Variants in RNF8 observed in about 807,000 individuals in gnomAD.
RNF8 encodes E3 ubiquitin-protein ligase RNF8.
In RNF8, 8 loss-of-function variants were observed where a neutral mutation model predicts 59.3. The observed-to-expected ratio is 0.13, with a 90% confidence interval of 0.08 to 0.24. RNF8 has a LOEUF of 0.24. Ranked by LOEUF, RNF8 falls within the 10% of genes least tolerant of loss-of-function variation. RNF8 has a pLI of 1.00. For synonymous variants in RNF8, 162 were observed against 200.0 expected (o/e 0.81, Z 1.60); for missense variants, 406 against 572.6 (o/e 0.71, Z 2.97).
chr6:37,363,137 C>T (rs1769392552), intron 2 of RNF8, among the ~76,000 whole-genome samples: 1 of 152,174 alleles, frequency 6.6e-6, no homozygotes, highest in South Asian at 2.1e-4. Context: ...TACCTTTGTT[C>T]TTCTGCAGAC....
Position 37,354,062 on chromosome 6 carries a change from C to T in RNF8, c.-103C>T. 1 of 974,162 alleles carries T rather than the reference C, an allele frequency of 1.0e-6. No individual in the cohort carries two copies. 60.3% of individuals were successfully genotyped at this position (974,162 alleles called of 1,614,324 possible). On this transcript the variant is annotated 5_prime_UTR_variant, in exon 1 of 8. Transcript: ENST00000373479. The stretch of plus-strand genomic sequence containing the variant: ...GATCGCGAGCGTGTGGCGATTGCTT[C>T]TGTCTGTTATTTAGATATGGAAGCT...
intron 1 of RNF8, 85 bp downstream of exon 1, chr6:37,354,360 C>T: frequency 9.3e-7 from 1 of 1,070,334 alleles, no homozygotes; most frequent in Non-Finnish European, 1.3e-6. Context: ...TCTTGCTGGG[C>T]TGAATGAATG....
chr6:37,374,568 G>T, intron 4 of RNF8, 52 bp from the exon 5 acceptor site: 1 of 1,344,972 alleles, frequency 7.4e-7, no homozygotes. Context: ...GTGGCTAAAA[G>T]GAAGGATGCA....
chr6:37,356,846 C>G (rs767922353), intron 1 of RNF8, among the ~76,000 whole-genome samples: 5 of 152,202 alleles, frequency 3.3e-5, no homozygotes, highest in Non-Finnish European at 7.3e-5. Context: ...TCAAGTGGTT[C>G]TTCTGTCTCA....
In RNF8 at chr6:37,359,213, A is replaced by T; in HGVS notation, c.112-1233A>T. The stretch of plus-strand genomic sequence containing the variant: ...TTATGAACTAGACTGGTCCAACAGG[A>T]AAGTATGATAGATGTGAACTGGGGC... On this transcript the variant is annotated intron_variant, in intron 1 of 7. Coordinates refer to ENST00000373479, the MANE Select transcript of RNF8 (RefSeq NM_003958.4). 6.6e-6 allele frequency: 3 copies of T among 455,556 alleles called. 1 individual carries two copies. The highest frequency in any genetic ancestry group is 6.5e-4 in the Middle Eastern group (2 of 3,068). 28.2% of individuals were successfully genotyped at this position (455,556 alleles called of 1,614,324 possible). A position where few individuals can be genotyped will look rare whatever the true frequency, so the allele number is the denominator to read the frequency against.
rs1024125928 is a variant in RNF8 at position 37,394,663 on chromosome 6, G to A, written c.*3905G>A. On this transcript the variant is annotated 3_prime_UTR_variant, in exon 8 of 8. Coordinates refer to ENST00000373479, the MANE Select transcript of RNF8 (RefSeq NM_003958.4). ...CTGTCCACTTTCCTTCAGGCTCTGT[G>A]AATACTTCAACCTGCTGTGATTTGG... 6.6e-6 allele frequency: 1 copy of A among 152,114 alleles called. No individual in the cohort carries two copies. Among genetic ancestry groups the A allele is most frequent in the Non-Finnish European group, 1.5e-5 (1 of 68,036 alleles). The allele number at this position is 152,114 out of a possible 1,614,324, so 9.4% of individuals were successfully genotyped here.
chr6:37,384,498 C>T (rs545911522), intron 7 of RNF8, among the ~76,000 whole-genome samples: 4 of 152,210 alleles, frequency 2.6e-5, no homozygotes, highest in South Asian at 2.1e-4. Context: ...ATGGCCTTCA[C>T]GTGTGCTGAG....
intron 1 of RNF8, among the ~76,000 whole-genome samples, chr6:37,355,219 C>G (rs559684243): frequency 2.0e-5 from 3 of 152,218 alleles, no homozygotes; most frequent in Admixed American, 6.5e-5. Flanking sequence ...AGAACTGGGT[C>G]AGGGACAAGC....
chr6:37,370,161 A>G (rs1439546764), intron 3 of RNF8: 1 of 152,216 alleles, frequency 6.6e-6, no homozygotes, highest in African/African-American at 2.4e-5. Context: ...AGGGTAAGGA[A>G]CAGCCAGGGG....
At chr6:37,374,511 C>A in intron 4 of RNF8, 109 bp from the exon 5 acceptor site, 1 of 763,394 alleles carries the variant, frequency 1.3e-6, no homozygotes, top group South Asian at 1.7e-5. Context: ...ATTTATCGAT[C>A]CCTGAACCAC....
intron 3 of RNF8, 23 bp downstream of exon 3, chr6:37,369,241 A>G: frequency 6.3e-7 from 1 of 1,579,032 alleles, no homozygotes; most frequent in South Asian, 1.2e-5. Context: ...AGGGAAGGGC[A>G]AGAGTGGTCT....
At chr6:37,386,897 A>G (rs1159526256) in intron 7 of RNF8, among the ~76,000 whole-genome samples, 2 of 152,108 alleles carry the variant, frequency 1.3e-5, no homozygotes, top group African/African-American at 4.8e-5. Context: ...TAGTGATAAC[A>G]CAGTTATTTT....
intron 7 of RNF8, among the ~76,000 whole-genome samples, chr6:37,383,238 G>C (rs1425549861): frequency 6.6e-6 from 1 of 152,214 alleles, no homozygotes; most frequent in Non-Finnish European, 1.5e-5. Context: ...CAGCTTTGAA[G>C]TTTTCTCTAG....
intron 3 of RNF8, among the ~76,000 whole-genome samples, chr6:37,369,597 G>A (rs1769714553): frequency 6.6e-6 from 1 of 152,218 alleles, no homozygotes; most frequent in South Asian, 2.1e-4. Context: ...ATCAATAGTT[G>A]TCTTCAAGAC....
chr6:37,378,493 C>T (rs569144979), intron 6 of RNF8, among the ~76,000 whole-genome samples: 3 of 146,208 alleles, frequency 2.1e-5, no homozygotes, highest in South Asian at 2.2e-4. Context: ...CCCAGCTACT[C>T]GGGAGGCTGA....
intron 4 of RNF8, among the ~76,000 whole-genome samples, chr6:37,374,265 T>TA (rs903599908): frequency 6.6e-5 from 10 of 151,000 alleles, no homozygotes; most frequent in East Asian, 3.9e-4. Context: ...TGGGTGGCTT[T>TA]AAAAAAAAAG....
Position 37,368,965 on chromosome 6 carries a change from C to T in RNF8, c.722C>T (p.Ala241Val). The change falls in exon 3 of 8, where the codon GCA becomes GTA. Residue 241 changes from alanine (A) to valine (V), a missense_variant. Coordinates refer to ENST00000373479, the MANE Select transcript of RNF8 (RefSeq NM_003958.4). ...HHEQKASNSS[A>V]SQRSLQMFKV... ...GAGCAGAAAGCCTCAAACTCTTCAG[C>T]ATCTCAGAGAAGCTTACAGATGTTT... The T allele has an allele frequency of 1.2e-6, 2 of 1,614,222 alleles. No individual in the cohort carries two copies. The highest frequency in any genetic ancestry group is 8.5e-7 in the Non-Finnish European group (1 of 1,180,042).
chr6:37,355,100 G>A (rs577079959), intron 1 of RNF8, among the ~76,000 whole-genome samples: 2 of 152,154 alleles, frequency 1.3e-5, no homozygotes, highest in Admixed American at 6.5e-5. Context: ...TATTTTAAGG[G>A]GAAAGATGAG....
chr6:37,389,457 C>A (rs1770641994), intron 7 of RNF8, among the ~76,000 whole-genome samples: 1 of 151,552 alleles, frequency 6.6e-6, no homozygotes, highest in African/African-American at 2.4e-5. Context: ...CAAAAGAAGG[C>A]TGTATTTGGA....
Sources: gnomAD v4.1 joint callset for allele counts (sites outside exome capture counted in the v4.1 genomes callset) on GRCh38, gnomAD v4.1.1 for gene constraint, MANE v1.5 for transcripts, NCBI Gene and HGNC (gene_info 2026-07-23, HGNC 2026-07-21) for gene names.